Variants in SOX6 observed in about 807,000 individuals in gnomAD.
The protein encoded by SOX6 is SRY-box transcription factor 6.
Under a neutral mutation model 97.8 loss-of-function variants are expected in SOX6, and 11 were observed. The observed-to-expected ratio is 0.11, with a 90% CI of 0.07 to 0.19. The LOEUF is 0.19. Among genes scored for constraint, SOX6 ranks in the 10% least tolerant of loss-of-function variants. SOX6 has a pLI of 1.00. For synonymous variants in SOX6, 360 were observed against 371.4 expected (o/e 0.97, Z 0.35); for missense variants, 810 against 1,039.5 (o/e 0.78, Z 3.04).
At chr11:16,074,610 A>G (rs1391501770) in intron 9 of SOX6, among the ~76,000 whole-genome samples, 1 of 152,190 alleles carries the variant, frequency 6.6e-6, no homozygotes, top group African/African-American at 2.4e-5. Context: ...TCACATGCAC[A>G]ATAGCCACAA....
At chr11:16,177,395 GTCATATCCAAGTACCTAATTAC>G (rs1239037246) in intron 6 of SOX6, among the ~76,000 whole-genome samples, 1 of 151,810 alleles carries the variant, frequency 6.6e-6, no homozygotes, top group African/African-American at 2.4e-5. Flanking sequence ...TCATAATTTT[GTCATATCCAAGTACCTAATTAC>G]TATTTGCTTA....
At position 16,103,180 on chromosome 11, in the gene SOX6, AAAAC is replaced by A. The variant is rs1240648008; in HGVS notation, c.899-5496_899-5493del. On this transcript the variant is annotated intron_variant, in intron 7 of 15. Coordinates refer to ENST00000683767, the MANE Select transcript of SOX6 (RefSeq NM_001367873.1). ...ACAAAGAACTCAAATCGCAAGAAAA[AAAAC>A]AAACAATCCCATTAAAAAGTGGGCA... is the stretch of plus-strand genomic sequence containing the variant. 7.9e-5 allele frequency among the ~76,000 whole-genome samples: 12 copies of A among 152,018 alleles called. No individual in the cohort carries two copies. The East Asian group carries it at 1.9e-3, about 25-fold the overall frequency.
chr11:16,707,004 T>C (rs114384481), intron 3 of SOX6, among the ~76,000 whole-genome samples: 1,692 of 152,288 alleles, frequency 0.011, 24 homozygotes, highest in African/African-American at 0.038. Context: ...CTTTCCATAA[T>C]AGTGTTATCA....
In SOX6 at chr11:15,972,504, G is replaced by T; in HGVS notation, c.*305C>A. 2.7e-6 allele frequency: 1 copy of T among 370,234 alleles called. No homozygotes were observed. The highest frequency in any genetic ancestry group is 5.0e-6 in the Non-Finnish European group (1 of 201,928). The allele number at this position is 370,234 out of a possible 1,614,324, so 22.9% of individuals were successfully genotyped here. A position where few individuals can be genotyped will look rare whatever the true frequency, so the allele number is the denominator to read the frequency against. ...AACATCCAAAAGAAAAAAAAAGTAAGACAAAAATATAAGACTTGTAAGACA... is the reference window on the plus strand; with the variant it reads ...AACATCCAAAAGAAAAAAAAAGTAATACAAAAATATAAGACTTGTAAGACA... On this transcript the variant is annotated 3_prime_UTR_variant, in exon 16 of 16. Transcript: ENST00000683767.
At chr11:16,059,704 A>G (rs1202342278) in intron 9 of SOX6, among the ~76,000 whole-genome samples, 1 of 151,998 alleles carries the variant, frequency 6.6e-6, no homozygotes, top group Admixed American at 6.6e-5. Flanking sequence ...GGCAAGAAAA[A>G]TTCACAAGCA....
chr11:16,656,299 A>G (rs745975078), intron 3 of SOX6, among the ~76,000 whole-genome samples: 45 of 152,098 alleles, frequency 3.0e-4, no homozygotes, highest in Non-Finnish European at 5.7e-4. Flanking sequence ...GATGGTCTCA[A>G]TCTCCTGACC....
chr11:16,179,602 A>G (rs1345828123), intron 6 of SOX6, among the ~76,000 whole-genome samples: 1 of 151,966 alleles, frequency 6.6e-6, no homozygotes, highest in Non-Finnish European at 1.5e-5. Context: ...TCTAATGCAT[A>G]TGTTAAATGA....
At chr11:16,213,186 A>G (rs1852274571) in intron 4 of SOX6, among the ~76,000 whole-genome samples, 1 of 152,176 alleles carries the variant, frequency 6.6e-6, no homozygotes, top group Middle Eastern at 3.4e-3. Context: ...AAGTGTCTCA[A>G]TGTTATGCCC....
At chr11:16,579,867 A>C (rs1848016398) in intron 4 of SOX6, among the ~76,000 whole-genome samples, 1 of 152,170 alleles carries the variant, frequency 6.6e-6, no homozygotes, top group East Asian at 1.9e-4. Flanking sequence ...AAATACTGCC[A>C]GATAGTTTTC....
At chr11:16,461,495 A>G (rs1859926847) in intron 1 of SOX6, among the ~76,000 whole-genome samples, 1 of 152,078 alleles carries the variant, frequency 6.6e-6, no homozygotes, top group Non-Finnish European at 1.5e-5. Flanking sequence ...TAGCCTATAC[A>G]TACCTATACC....
chr11:16,051,258 C>T (rs776361116), intron 10 of SOX6, among the ~76,000 whole-genome samples: 1 of 152,128 alleles, frequency 6.6e-6, no homozygotes, highest in Non-Finnish European at 1.5e-5. Flanking sequence ...GACTATGAGC[C>T]TGGCCAGTAT....
chr11:16,411,137 G>A (rs1251639482), intron 1 of SOX6, among the ~76,000 whole-genome samples: 3 of 152,072 alleles, frequency 2.0e-5, no homozygotes, highest in African/African-American at 7.2e-5. Context: ...TGAAGAAAGG[G>A]GAAATTCTAC....
At chr11:16,224,985 T>A (rs1001077619) in intron 4 of SOX6, among the ~76,000 whole-genome samples, 1 of 152,082 alleles carries the variant, frequency 6.6e-6, no homozygotes, top group African/African-American at 2.4e-5. Context: ...TTCTAGATAT[T>A]ACTCTGAAGT....
intron 6 of SOX6, among the ~76,000 whole-genome samples, chr11:16,165,027 A>G (rs1027183686): frequency 1.3e-5 from 2 of 152,168 alleles, no homozygotes; most frequent in South Asian, 4.1e-4. Context: ...TTACTAAAAT[A>G]ACAAATAGTA....
intron 6 of SOX6, among the ~76,000 whole-genome samples, chr11:16,134,294 G>A (rs1849897607): frequency 6.6e-6 from 1 of 152,184 alleles, no homozygotes; most frequent in African/African-American, 2.4e-5. Flanking sequence ...GTTCCATATT[G>A]CCTAATGATG....
At chr11:16,586,148 C>T (rs1589996097) in intron 4 of SOX6, among the ~76,000 whole-genome samples, 1 of 152,176 alleles carries the variant, frequency 6.6e-6, no homozygotes, top group East Asian at 1.9e-4. Flanking sequence ...TTTTAAAAGG[C>T]CCAGTTCTTG....
intron 3 of SOX6, among the ~76,000 whole-genome samples, chr11:16,297,876 C>G (rs1480683254): frequency 6.6e-6 from 1 of 152,176 alleles, no homozygotes; most frequent in African/African-American, 2.4e-5. Context: ...AACAGCAGAA[C>G]TCATAAAACA....
At chr11:16,271,351 T>C (rs546184700) in intron 3 of SOX6, among the ~76,000 whole-genome samples, 15 of 151,584 alleles carry the variant, frequency 9.9e-5, no homozygotes, top group Middle Eastern at 3.4e-3. Context: ...GTTTTCTCAG[T>C]CTAGGTATAA....
At chr11:16,341,793 CTTT>C (rs1198415605) in intron 1 of SOX6, among the ~76,000 whole-genome samples, 2 of 152,002 alleles carry the variant, frequency 1.3e-5, no homozygotes, top group African/African-American at 2.4e-5. Context: ...ATCCTGACTT[CTTT>C]GTTTACACTT....
Sources: gnomAD v4.1 joint callset for allele counts (sites outside exome capture counted in the v4.1 genomes callset) on GRCh38, gnomAD v4.1.1 for gene constraint, MANE v1.5 for transcripts, NCBI Gene and HGNC (gene_info 2026-07-23, HGNC 2026-07-21) for gene names.